The following USP6NL variants were observed in gnomAD, a reference collection of about 807,000 sequenced individuals.
USP6NL encodes USP6 N-terminal like, also known as USP6 N-terminal-like protein.
USP6NL carries 26 observed loss-of-function variants against 61.9 expected under a neutral mutation model. The ratio of observed to expected loss-of-function variants is 0.42; its 90% CI spans 0.31 to 0.58. The LOEUF (loss-of-function observed/expected upper bound fraction) is 0.58. Among genes scored for constraint, USP6NL ranks in the 20% least tolerant of loss-of-function variants. USP6NL has a pLI of 0.16. For missense variants in USP6NL, 1,114 were observed against 1,034.3 expected (o/e 1.08, Z -1.06); for synonymous variants, 432 against 390.1 (o/e 1.11, Z -1.27).
rs770057017 is a variant in USP6NL, at chr10:11,462,493, T to A, written c.2435A>T (p.Tyr812Phe). The A allele has an allele frequency of 6.2e-7, 1 of 1,613,880 alleles. No homozygotes were observed. Residue 812 changes from tyrosine (Y) to phenylalanine (F), a missense_variant, in exon 15 of 15, where the codon TAC becomes TTC. Physicochemically the swap from Tyr to Phe is conservative, Grantham distance 22. Coordinates refer to ENST00000609104, the MANE Select transcript of USP6NL (RefSeq NM_014688.5). ...AAGCCCGTCCCGATTCCTGTAGTGGTAGGCTGGAGGCGGGGGCCCTGAATA... is the reference window on the plus strand; with the variant it reads ...AAGCCCGTCCCGATTCCTGTAGTGGAAGGCTGGAGGCGGGGGCCCTGAATA... ...YPYSGPPPPA[Y>F]HYRNRDGLSI...
chr10:11,553,256 C>T lies in USP6NL; in HGVS notation c.5-25689G>A, dbSNP rs1008454552. Among the ~76,000 whole-genome samples the T allele has an allele frequency of 2.0e-5, 3 of 152,090 alleles. No homozygotes were observed. Among genetic ancestry groups the T allele is most frequent in the African/African-American group, 7.2e-5 (3 of 41,414 alleles). ...TGTTTCAAGACAGTGTACGATAATC[C>T]CAAGTGTGATCTATTGGGATCATTT... On this transcript the variant is annotated intron_variant, in intron 2 of 14. Coordinates refer to ENST00000609104, the MANE Select transcript of USP6NL (RefSeq NM_014688.5). This position sits in a 1 kb window ranked among gnomAD's most constrained non-coding sequence, Gnocchi z 4.8.
In USP6NL at chr10:11,495,798, G is replaced by A. The variant is rs770659946; in HGVS notation, c.385-2570C>T. Among the ~76,000 whole-genome samples, 42 of 152,038 alleles carry A rather than the reference G, an allele frequency of 2.8e-4. No individual in the cohort carries two copies. Among genetic ancestry groups the A allele is most frequent in the Admixed American group, 1.2e-3 (18 of 15,266 alleles). Reference sequence around the variant, plus strand: ...TCATTTGCTTCCACTTGTCTTTCACGTTAGCTCCCTTCTTCAAATGAACAG... The same window carrying A: ...TCATTTGCTTCCACTTGTCTTTCACATTAGCTCCCTTCTTCAAATGAACAG... On this transcript the variant is annotated intron_variant, in intron 7 of 14. Transcript: ENST00000609104. The surrounding 1 kb of genome is among the most constrained non-coding windows in gnomAD (Gnocchi z 4.6).
intron 2 of USP6NL, among the ~76,000 whole-genome samples, chr10:11,573,071 T>C (rs1181465807): frequency 1.3e-5 from 2 of 152,134 alleles, no homozygotes; most frequent in Non-Finnish European, 2.9e-5. Context: ...TGACTAAACA[T>C]ATAATCATAA....
rs2096226982 is a variant in USP6NL at position 11,463,562 on chromosome 10, C to G, written c.1366G>C (p.Gly456Arg). 1 of 1,613,896 alleles carries G rather than the reference C, an allele frequency of 6.2e-7. No homozygotes were observed. Among genetic ancestry groups the G allele is most frequent in the Non-Finnish European group, 8.5e-7 (1 of 1,179,900 alleles). Reference protein sequence around the residue: ...EADFQRKLPSGPQDSSRQYNH... With the variant: ...EADFQRKLPSRPQDSSRQYNH... Reference sequence around the variant, plus strand: ...TATTGCCTGGAACTGTCCTGTGGACCCGATGGGAGTTTTCTTTGAAAATCT... The same window carrying G: ...TATTGCCTGGAACTGTCCTGTGGACGCGATGGGAGTTTTCTTTGAAAATCT... The change falls in exon 15 of 15, where the codon GGT becomes CGT. Residue 456 changes from glycine to arginine, a missense_variant. Coordinates refer to ENST00000609104, the MANE Select transcript of USP6NL (RefSeq NM_014688.5). This position sits in a 1 kb window ranked among gnomAD's most constrained non-coding sequence, Gnocchi z 6.3.
At position 11,572,491 on chromosome 10, in the gene USP6NL, T is replaced by TA. The variant is rs986009469; in HGVS notation, c.4+25139dup. 1.6e-3 allele frequency among the ~76,000 whole-genome samples: 231 copies of TA among 144,250 alleles called. 2 individuals are homozygous for TA. Among genetic ancestry groups the TA allele is most frequent in the African/African-American group, 4.7e-3 (186 of 39,580 alleles). The allele number at this position is 144,250 out of a possible 152,430, so 94.6% of individuals were successfully genotyped here. On this transcript the variant is annotated intron_variant, in intron 2 of 14. Coordinates refer to ENST00000609104, the MANE Select transcript of USP6NL (RefSeq NM_014688.5). ...TACCACATTCTTCCACAAAATGAAATAAAAAAAAAAAGACAAGATGTCTAA... is the reference window on the plus strand; with the variant it reads ...TACCACATTCTTCCACAAAATGAAATAAAAAAAAAAAAGACAAGATGTCTAA...
intron 2 of USP6NL, among the ~76,000 whole-genome samples, chr10:11,554,700 T>C (rs563507734): frequency 4.0e-5 from 6 of 150,626 alleles, no homozygotes; most frequent in African/African-American, 1.2e-4. Context: ...TCATATGTAC[T>C]ATCTGATATC....
intron 2 of USP6NL, chr10:11,565,685 T>C (rs1194686222): frequency 6.6e-6 from 1 of 150,600 alleles, no homozygotes; most frequent in African/African-American, 2.4e-5. Context: ...GCATCTGCAA[T>C]GGTGATGTGC....
intron 14 of USP6NL, among the ~76,000 whole-genome samples, chr10:11,473,967 G>C (rs1377930422): frequency 6.6e-6 from 1 of 152,154 alleles, no homozygotes; most frequent in East Asian, 1.9e-4. Context: ...AAGGAATCCA[G>C]ACTATGTGAC....
chr10:11,554,523 A>G (rs1175567169), intron 2 of USP6NL, among the ~76,000 whole-genome samples: 3 of 152,236 alleles, frequency 2.0e-5, no homozygotes, highest in Non-Finnish European at 4.4e-5. Context: ...ACTCCAGCTC[A>G]GGCCCCTGAA....
Position 11,463,650 on chromosome 10 carries a change from C to G in USP6NL, c.1278G>C (p.Glu426Asp). The change falls in exon 15 of 15, where the codon GAG (glutamate) becomes GAC (aspartate). Residue 426 changes from glutamate to aspartate, a missense_variant. By Grantham distance (45) the Glu-to-Asp change is conservative. Transcript: ENST00000609104. The surrounding 1 kb of genome is among the most constrained non-coding windows in gnomAD (Gnocchi z 6.3). ...PHPQSRTGTP[E>D]RAQPPRRKSV... ...ATTTCCGTCTTGGCGGCTGTGCTCT[C>G]TCGGGCGTCCCGGTCCTGCTCTGGG... is the stretch of plus-strand genomic sequence containing the variant. 6.2e-7 allele frequency: 1 copy of G among 1,613,992 alleles called. No homozygotes were observed. The highest frequency in any genetic ancestry group is 8.5e-7 in the Non-Finnish European group (1 of 1,179,888).
At chr10:11,580,867 T>TGATGGATG (rs112761648) in intron 2 of USP6NL, among the ~76,000 whole-genome samples, 29,812 of 149,710 alleles carry the variant, frequency 0.2, 3,498 homozygotes, top group East Asian at 0.52. Flanking sequence ...AACGGATAGA[T>TGATGGATG]GATGGATGGA....
At chr10:11,538,449 T>C (rs1231065152) in intron 2 of USP6NL, among the ~76,000 whole-genome samples, 1 of 152,210 alleles carries the variant, frequency 6.6e-6, no homozygotes, top group Non-Finnish European at 1.5e-5. Context: ...AAGAGGACAG[T>C]TTCTCATCCA....
At chr10:11,526,982 T>A (rs1435106835) in intron 3 of USP6NL, among the ~76,000 whole-genome samples, 1 of 152,196 alleles carries the variant, frequency 6.6e-6, no homozygotes, top group Non-Finnish European at 1.5e-5. Flanking sequence ...TTCCATATAC[T>A]TAACTTAGTC....
At position 11,532,001 on chromosome 10, in the gene USP6NL, C is replaced by A. The variant is rs1207373332; in HGVS notation, c.5-4434G>T. Among the ~76,000 whole-genome samples, 1 of 152,150 alleles carries A rather than the reference C, an allele frequency of 6.6e-6. No individual in the cohort carries two copies. The highest frequency in any genetic ancestry group is 1.5e-5 in the Non-Finnish European group (1 of 68,018). Reference sequence around the variant, plus strand: ...CCTCCTGAATTATATGCTTTAAAAGCAGGTATTGTATCTTAATGTCACTAA... The same window carrying A: ...CCTCCTGAATTATATGCTTTAAAAGAAGGTATTGTATCTTAATGTCACTAA... On this transcript the variant is annotated intron_variant, in intron 2 of 14. Transcript: ENST00000609104. The surrounding 1 kb of genome is among the most constrained non-coding windows in gnomAD (Gnocchi z 4.1).
chr10:11,583,084 G>C (rs1046542896), intron 2 of USP6NL, among the ~76,000 whole-genome samples: 2 of 151,318 alleles, frequency 1.3e-5, no homozygotes, highest in Non-Finnish European at 2.9e-5. Context: ...AAGGATGACA[G>C]GAGAGTTGTG....
intron 2 of USP6NL, among the ~76,000 whole-genome samples, chr10:11,594,760 A>G (rs1838270197): frequency 6.6e-6 from 1 of 152,256 alleles, no homozygotes; most frequent in African/African-American, 2.4e-5. Flanking sequence ...TAGCTCCTGC[A>G]TACTAAGGAC....
At chr10:11,527,304 G>A (rs1247561808) in intron 3 of USP6NL, among the ~76,000 whole-genome samples, 196 bp downstream of exon 3, 2 of 152,196 alleles carry the variant, frequency 1.3e-5, no homozygotes, top group African/African-American at 2.4e-5. Flanking sequence ...CTGGTGTGCT[G>A]GAGGAATAGC....
At chr10:11,590,746 T>G (rs1188794173) in intron 2 of USP6NL, among the ~76,000 whole-genome samples, 1 of 152,006 alleles carries the variant, frequency 6.6e-6, no homozygotes, top group Non-Finnish European at 1.5e-5. Flanking sequence ...AGAGGATTAA[T>G]TTGAAACATA....
Position 11,463,706 on chromosome 10 carries a change from G to A in USP6NL, c.1222C>T (p.Pro408Ser), listed in dbSNP as rs931978775. ...GGGGAGTGCTCGTGCCTCCTGTGGG[G>A]CGCCCCGCTCTCCCTCCTGCCGCTG... The part of the protein sequence containing the change: ...LASGRRESGA[P>S]HRRHEHSPHP... The change falls in exon 15 of 15, where the codon CCC (proline) becomes TCC (serine). Residue 408 changes from proline to serine, a missense_variant. Transcript: ENST00000609104. This position sits in a 1 kb window ranked among gnomAD's most constrained non-coding sequence, Gnocchi z 6.3. 1 of 1,612,316 alleles carries A rather than the reference G, an allele frequency of 6.2e-7. No homozygotes were observed. Among genetic ancestry groups the A allele is most frequent in the Non-Finnish European group, 8.5e-7 (1 of 1,178,998 alleles).
Sources: allele counts gnomAD v4.1 joint callset (sites outside exome capture counted in the v4.1 genomes callset), GRCh38; gene constraint gnomAD v4.1.1; non-coding constraint Gnocchi (gnomAD v3.1); transcripts MANE v1.5; gene names NCBI Gene and HGNC (gene_info 2026-07-23, HGNC 2026-07-21).